OVCH1: variants seen among roughly 807,000 people sequenced by gnomAD.
The protein encoded by OVCH1 is ovochymase 1.
OVCH1 carries 139 observed loss-of-function variants against 138.4 expected under a neutral mutation model. The observed-to-expected ratio is 1.00, with a 90% confidence interval of 0.87 to 1.16. OVCH1 has a LOEUF of 1.16. Ranked by LOEUF, OVCH1 falls within the 50% of genes most tolerant of loss-of-function variation. The probability of loss-of-function intolerance (pLI) is 0.00; values close to 1 mark genes in which losing one functional copy is unlikely to be tolerated. For synonymous variants in OVCH1, 453 were observed against 467.8 expected, an observed-to-expected ratio of 0.97 and a Z score of 0.41; for missense variants, 1,367 against 1,357.9, an observed-to-expected ratio of 1.01 and a Z score of -0.11.
intron 14 of OVCH1, among the ~76,000 whole-genome samples, chr12:29,474,144 C>T (rs572796746): frequency 1.3e-5 from 2 of 151,762 alleles, no homozygotes; most frequent in South Asian, 2.1e-4. Context: ...CTGACTAATA[C>T]AACACTGGAC....
chr12:29,445,379 TAA>T lies in OVCH1; in HGVS notation c.2778_2779del (p.Tyr927LeufsTer39). On this transcript the variant is annotated frameshift_variant, in exon 23 of 28. Coordinates refer to ENST00000318184, the Ensembl canonical transcript of OVCH1. LOFTEE classifies it high-confidence loss of function. ...TCCAGGACTCATGAAAGTCATTGAG[TAA>T]AGTCTTCTTCCATGTAATCCACCTA... is the stretch of plus-strand genomic sequence containing the variant. The T allele has an allele frequency of 1.2e-6, 2 of 1,610,758 alleles. No individual in the cohort carries two copies. The highest frequency in any genetic ancestry group is 8.5e-7 in the Non-Finnish European group (1 of 1,177,670).
intron 3 of OVCH1, among the ~76,000 whole-genome samples, chr12:29,420,400 CATT>C (rs1941086175): frequency 6.7e-6 from 1 of 149,644 alleles, no homozygotes; most frequent in Non-Finnish European, 1.5e-5. Context: ...GTTAAGACAT[CATT>C]ATCTCCATTT....
chr12:29,455,384 C>A, exon 20 of OVCH1: 1 of 1,610,228 alleles, frequency 6.2e-7, no homozygotes, highest in Non-Finnish European at 8.5e-7. Flanking sequence ...TGTCTACATA[C>A]TAGTGGCCCA....
chr12:29,432,004 A>C (rs1467809728), intron 27 of OVCH1, among the ~76,000 whole-genome samples: 1 of 152,198 alleles, frequency 6.6e-6, no homozygotes, highest in African/African-American at 2.4e-5. Flanking sequence ...TTATTCAAAT[A>C]AACAATTCTT....
chr12:29,410,449 G>A (rs571010706), downstream of OVCH1, among the ~76,000 whole-genome samples: 50 of 151,126 alleles, frequency 3.3e-4, no homozygotes, highest in Non-Finnish European at 5.9e-4. Context: ...GGCTGATACC[G>A]GTTGTTCCTT....
downstream of OVCH1, chr12:29,423,446 T>C (rs1941132428): frequency 2.7e-6 from 1 of 369,744 alleles, no homozygotes; most frequent in Non-Finnish European, 5.3e-6. Flanking sequence ...ATTTGTAGGA[T>C]GGAACTCATG....
intron 3 of OVCH1, among the ~76,000 whole-genome samples, chr12:29,414,500 G>T (rs1467162088): frequency 6.6e-6 from 1 of 152,130 alleles, no homozygotes. Context: ...AATCTGTGCA[G>T]TTGTGCCATT....
intron 3 of OVCH1, among the ~76,000 whole-genome samples, chr12:29,417,912 G>T (rs912610941): frequency 7.9e-5 from 12 of 152,116 alleles, no homozygotes; most frequent in Non-Finnish European, 5.9e-5. Context: ...CAAATGATGG[G>T]CTATGATTAA....
chr12:29,481,379 A>T (rs1942927671), intron 8 of OVCH1, among the ~76,000 whole-genome samples: 1 of 152,128 alleles, frequency 6.6e-6, no homozygotes, highest in Non-Finnish European at 1.5e-5. Flanking sequence ...ATAGATGCTA[A>T]TACTCATTGG....
At chr12:29,497,654 C>G in exon 1 of OVCH1, 1 of 1,614,020 alleles carries the variant, frequency 6.2e-7, no homozygotes, top group Middle Eastern at 1.6e-4. Context: ...TGACCAGCAA[C>G]AGCAACAAAC....
At chr12:29,414,089 G>A (rs10771529) in intron 3 of OVCH1, among the ~76,000 whole-genome samples, 34,676 of 146,626 alleles carry the variant, frequency 0.24, 4,640 homozygotes, top group Admixed American at 0.41. Flanking sequence ...GCACAATCTC[G>A]GCTGACTGCA....
intron 16 of OVCH1, among the ~76,000 whole-genome samples, chr12:29,466,802 A>T (rs935959889): frequency 1.3e-5 from 2 of 152,176 alleles, no homozygotes; most frequent in African/African-American, 4.8e-5. Flanking sequence ...GTGTCTGAGG[A>T]AAGAGTCCCT....
chr12:29,463,075 G>C (rs952359342), intron 18 of OVCH1, among the ~76,000 whole-genome samples: 1 of 152,184 alleles, frequency 6.6e-6, no homozygotes, highest in African/African-American at 2.4e-5. Context: ...GGGCTTTGAA[G>C]CTGGTAAGCC....
intron 1 of OVCH1, 95 bp from the exon 2 acceptor site, chr12:29,496,769 A>T: frequency 1.1e-6 from 1 of 869,620 alleles, no homozygotes; most frequent in East Asian, 2.5e-5. Flanking sequence ...GGCCTGGCAC[A>T]GACATTCTGA....
chr12:29,496,801 C>T, intron 1 of OVCH1, 127 bp from the exon 2 acceptor site: 1 of 653,138 alleles, frequency 1.5e-6, no homozygotes, highest in South Asian at 2.2e-5. Flanking sequence ...TGCAGACTAC[C>T]ACATTCTTCT....
At chr12:29,485,099 C>T (rs912841692) in intron 8 of OVCH1, among the ~76,000 whole-genome samples, 4 of 151,998 alleles carry the variant, frequency 2.6e-5, no homozygotes, top group Non-Finnish European at 5.9e-5. Context: ...AGGTTAAATA[C>T]CTTTGTATAA....
chr12:29,481,140 C>T (rs986597324), intron 8 of OVCH1, among the ~76,000 whole-genome samples: 4 of 151,890 alleles, frequency 2.6e-5, no homozygotes, highest in Non-Finnish European at 4.4e-5. Flanking sequence ...GAGTATTAAC[C>T]TGTAGTTCAA....
At chr12:29,481,593 G>A (rs1414700901) in intron 8 of OVCH1, among the ~76,000 whole-genome samples, 1 of 152,066 alleles carries the variant, frequency 6.6e-6, no homozygotes, top group African/African-American at 2.4e-5. Context: ...CCCAGAAAAG[G>A]AATTATTCTG....
At chr12:29,446,620 A>G (rs955803806) in intron 22 of OVCH1, among the ~76,000 whole-genome samples, 4 of 152,122 alleles carry the variant, frequency 2.6e-5, no homozygotes, top group African/African-American at 7.2e-5. Flanking sequence ...GTAATCTACA[A>G]TGAAGTTAAG....
Sources: allele counts gnomAD v4.1 joint callset (sites outside exome capture counted in the v4.1 genomes callset), GRCh38; gene constraint gnomAD v4.1.1; transcripts MANE v1.5; gene names NCBI Gene and HGNC (gene_info 2026-07-23, HGNC 2026-07-21).